KCND2: variants seen among roughly 807,000 people sequenced by gnomAD.
The protein encoded by KCND2 is potassium voltage-gated channel subfamily D member 2.
In KCND2, 16 loss-of-function variants were observed where a neutral mutation model predicts 54.4. The ratio of observed to expected loss-of-function variants is 0.29; its 90% confidence interval spans 0.20 to 0.45. The LOEUF (loss-of-function observed/expected upper bound fraction) is 0.45, where lower values mean the gene tolerates loss of function less well. Ranked by LOEUF, KCND2 falls within the 20% of genes least tolerant of loss-of-function variation. The pLI, the probability that KCND2 is intolerant of heterozygous loss-of-function variation, is 1.00. For synonymous variants in KCND2, 317 were observed against 310.7 expected (o/e 1.02, Z -0.21); for missense variants, 486 against 824.2 (o/e 0.59, Z 5.02).
chr7:120,599,364 A>C (rs1482813924), intron 1 of KCND2, among the ~76,000 whole-genome samples: 1 of 152,096 alleles, frequency 6.6e-6, no homozygotes, highest in African/African-American at 2.4e-5. Flanking sequence ...TTTGTCTCAA[A>C]AAAAAATCTG....
rs543896804 is a variant in KCND2 at position 120,579,619 on chromosome 7, A to T, written c.1116-153284A>T. On this transcript the variant is annotated intron_variant, in intron 1 of 5. Transcript: ENST00000331113. ...CTGTCTAAAAATAAATAAATAAATA[A>T]ATAAATAAATAAATAAATAAATAAA... 2.1e-5 allele frequency among the ~76,000 whole-genome samples: 3 copies of T among 144,450 alleles called. No homozygotes were observed. The East Asian group carries it at 5.9e-4, about 28-fold the overall frequency. The allele number at this position is 144,450 out of a possible 152,430, so 94.8% of individuals were successfully genotyped here.
At chr7:120,454,061 G>A (rs879463732) in intron 1 of KCND2, among the ~76,000 whole-genome samples, 3 of 152,222 alleles carry the variant, frequency 2.0e-5, no homozygotes, top group Non-Finnish European at 4.4e-5. Context: ...TCCAGCCTGG[G>A]TGACAGAGCG....
intron 1 of KCND2, among the ~76,000 whole-genome samples, chr7:120,533,085 A>G (rs985206831): frequency 1.3e-5 from 2 of 152,112 alleles, no homozygotes; most frequent in African/African-American, 4.8e-5. Context: ...TAATATCAAT[A>G]CACTATTTAA....
rs1390436409 is a variant in KCND2 at position 120,273,314 on chromosome 7, C to T, written c.-1319C>T. Among the ~76,000 whole-genome samples the T allele has an allele frequency of 1.3e-5, 2 of 150,884 alleles. No individual in the cohort carries two copies. Among genetic ancestry groups the T allele is most frequent in the East Asian group, 3.9e-4 (2 of 5,156 alleles). On this transcript the variant is annotated 5_prime_UTR_variant, in exon 1 of 6. Coordinates refer to ENST00000331113, the MANE Select transcript of KCND2 (RefSeq NM_012281.3). Reference sequence around the variant, plus strand: ...GGGGAAGCAGCTAGCAGCCCTCCCGCGCCCCCGCGCTGCCGAGCGCCTTCT... The same window carrying T: ...GGGGAAGCAGCTAGCAGCCCTCCCGTGCCCCCGCGCTGCCGAGCGCCTTCT...
chr7:120,421,388 G>C (rs1390810685), intron 1 of KCND2, among the ~76,000 whole-genome samples: 1 of 152,188 alleles, frequency 6.6e-6, no homozygotes, highest in Non-Finnish European at 1.5e-5. Flanking sequence ...CTGTGGCCAG[G>C]ACACTTCTGC....
intron 1 of KCND2, among the ~76,000 whole-genome samples, chr7:120,570,013 G>T (rs964485027): frequency 2.0e-5 from 3 of 152,082 alleles, no homozygotes; most frequent in Non-Finnish European, 2.9e-5. Context: ...GTTAGGTAGC[G>T]CATTAAGGAT....
rs1377136669 is a variant in KCND2 at position 120,665,582 on chromosome 7, T to C, written c.1116-67321T>C. 2.6e-5 allele frequency among the ~76,000 whole-genome samples: 4 copies of C among 152,052 alleles called. 1 individual carries two copies. Among genetic ancestry groups the C allele is most frequent in the Admixed American group, 6.6e-5 (1 of 15,264 alleles). On this transcript the variant is annotated intron_variant, in intron 1 of 5. Coordinates refer to ENST00000331113, the MANE Select transcript of KCND2 (RefSeq NM_012281.3). ...ATGAAGGCAGGGTGTTGTGTATGCC[T>C]GTGGACTGGTAGCAATAAAAACAAC...
intron 1 of KCND2, among the ~76,000 whole-genome samples, chr7:120,312,308 T>C (rs1400025744): frequency 6.6e-6 from 1 of 152,170 alleles, no homozygotes; most frequent in African/African-American, 2.4e-5. Flanking sequence ...TTAGGTTGAT[T>C]TTATGTCTTT....
At chr7:120,566,528 A>G (rs2116419133) in intron 1 of KCND2, among the ~76,000 whole-genome samples, 1 of 151,954 alleles carries the variant, frequency 6.6e-6, no homozygotes, top group South Asian at 2.1e-4. Flanking sequence ...TTTTTTATGG[A>G]CACAACAGGG....
In KCND2 at chr7:120,620,504, A is replaced by C. The variant is rs1383444543; in HGVS notation, c.1116-112399A>C. Among the ~76,000 whole-genome samples, 5 of 152,248 alleles carry C rather than the reference A, an allele frequency of 3.3e-5. No homozygotes were observed. The South Asian group carries it at 6.2e-4, about 19-fold the overall frequency. Reference sequence around the variant, plus strand: ...ATACAGAAGAACAAAACTTCCTACCAGGCATTTTCCAACCAAAATATCCTG... The same window carrying C: ...ATACAGAAGAACAAAACTTCCTACCCGGCATTTTCCAACCAAAATATCCTG... On this transcript the variant is annotated intron_variant, in intron 1 of 5. Coordinates refer to ENST00000331113, the MANE Select transcript of KCND2 (RefSeq NM_012281.3).
chr7:120,474,796 G>A (rs986423730), intron 1 of KCND2, among the ~76,000 whole-genome samples: 3 of 152,088 alleles, frequency 2.0e-5, no homozygotes, highest in Non-Finnish European at 2.9e-5. Flanking sequence ...GACACGTAAA[G>A]CTTATTTGTT....
At chr7:120,560,081 A>C (rs1472476564) in intron 1 of KCND2, among the ~76,000 whole-genome samples, 4 of 152,236 alleles carry the variant, frequency 2.6e-5, no homozygotes, top group African/African-American at 9.6e-5. Flanking sequence ...TCATAAAATA[A>C]TAATTTTAAG....
chr7:120,698,414 C>A (rs1792358832), intron 1 of KCND2, among the ~76,000 whole-genome samples: 2 of 152,116 alleles, frequency 1.3e-5, no homozygotes, highest in Admixed American at 1.3e-4. Context: ...GGCTCAGTTT[C>A]CCAATTTGTT....
intron 1 of KCND2, among the ~76,000 whole-genome samples, chr7:120,511,539 GT>G (rs1377295743): frequency 6.6e-6 from 1 of 151,960 alleles, no homozygotes; most frequent in East Asian, 1.9e-4. Context: ...TGCAATAATT[GT>G]TTTTATTCTT....
chr7:120,382,568 T>C (rs1026923399), intron 1 of KCND2, among the ~76,000 whole-genome samples: 2 of 151,886 alleles, frequency 1.3e-5, no homozygotes, highest in African/African-American at 2.4e-5. Context: ...TGTATTACTC[T>C]TGTTAATTTC....
intron 1 of KCND2, among the ~76,000 whole-genome samples, chr7:120,340,363 A>C (rs1386864737): frequency 6.6e-6 from 1 of 152,232 alleles, no homozygotes; most frequent in Non-Finnish European, 1.5e-5. Context: ...TCTGAAATGA[A>C]GCCAGCATGT....
intron 1 of KCND2, among the ~76,000 whole-genome samples, chr7:120,470,299 T>A (rs973132755): frequency 6.6e-6 from 1 of 152,066 alleles, no homozygotes; most frequent in Non-Finnish European, 1.5e-5. Flanking sequence ...AATAAATGAG[T>A]TGTACACCAA....
chr7:120,407,479 G>A, intron 1 of KCND2, among the ~76,000 whole-genome samples: 1 of 151,994 alleles, frequency 6.6e-6, no homozygotes, highest in East Asian at 1.9e-4. Context: ...CATGGACTTT[G>A]GATCCAGACC....
At chr7:120,340,145 C>A (rs1321817361) in intron 1 of KCND2, among the ~76,000 whole-genome samples, 1 of 152,098 alleles carries the variant, frequency 6.6e-6, no homozygotes, top group Non-Finnish European at 1.5e-5. Flanking sequence ...GATCACTGTA[C>A]CTACTGGGTT....
Sources: allele counts gnomAD v4.1 joint callset (sites outside exome capture counted in the v4.1 genomes callset), GRCh38; gene constraint gnomAD v4.1.1; transcripts MANE v1.5; gene names NCBI Gene and HGNC (gene_info 2026-07-23, HGNC 2026-07-21).